Variants in DAB1 observed in about 807,000 individuals in gnomAD.
DAB1 encodes the protein disabled homolog 1.
A neutral mutation model predicts 64.6 loss-of-function variants in DAB1; 15 were observed. The ratio of observed to expected loss-of-function variants is 0.23; its 90% CI spans 0.16 to 0.36. The LOEUF (loss-of-function observed/expected upper bound fraction) is 0.36. Among genes scored for constraint, DAB1 ranks in the 10% least tolerant of loss-of-function variants. The pLI, the probability that DAB1 is intolerant of heterozygous loss-of-function variation, is 1.00. For synonymous variants in DAB1, 235 were observed against 251.9 expected (o/e 0.93, Z 0.64); for missense variants, 596 against 706.7 (o/e 0.84, Z 1.78).
chr1:58,472,585 A>G (rs1645371610), intron 3 of DAB1, among the ~76,000 whole-genome samples: 1 of 152,108 alleles, frequency 6.6e-6, no homozygotes, highest in Non-Finnish European at 1.5e-5. Context: ...TTCTTAAGTC[A>G]GTGGGGCTGT....
chr1:57,820,332 G>A (rs758464921), intron 6 of DAB1, among the ~76,000 whole-genome samples: 5 of 152,094 alleles, frequency 3.3e-5, no homozygotes, highest in Non-Finnish European at 7.3e-5. Flanking sequence ...GCCCAGCTCT[G>A]AATAATACAC....
intron 2 of DAB1, among the ~76,000 whole-genome samples, chr1:57,259,294 C>T (rs1669998455): frequency 6.6e-6 from 1 of 152,082 alleles, no homozygotes; most frequent in South Asian, 2.1e-4. Flanking sequence ...CAGTTGAGAC[C>T]AGGAAGACCA....
At chr1:57,545,289 G>C (rs544696187) in intron 7 of DAB1, among the ~76,000 whole-genome samples, 1 of 152,184 alleles carries the variant, frequency 6.6e-6, no homozygotes, top group Middle Eastern at 3.4e-3. Context: ...TATCCTCCTA[G>C]TCTGCCTTAT....
intron 3 of DAB1, among the ~76,000 whole-genome samples, chr1:58,399,361 C>T (rs983380115): frequency 2.6e-5 from 4 of 152,192 alleles, no homozygotes; most frequent in African/African-American, 7.2e-5. Flanking sequence ...CTCAAGGTTA[C>T]GACCAGTGAC....
chr1:58,136,202 T>C (rs941658908), intron 5 of DAB1, among the ~76,000 whole-genome samples: 2 of 152,084 alleles, frequency 1.3e-5, no homozygotes, highest in Non-Finnish European at 2.9e-5. Context: ...ACCGTAGAAA[T>C]TGAGGTAAAT....
At chr1:57,659,675 C>A (rs1646362188) in intron 6 of DAB1, among the ~76,000 whole-genome samples, 1 of 151,834 alleles carries the variant, frequency 6.6e-6, no homozygotes, top group African/African-American at 2.4e-5. Flanking sequence ...CTATAAAAAT[C>A]AAATGAAAAA....
chr1:57,595,124 G>A (rs562297291), intron 7 of DAB1, among the ~76,000 whole-genome samples: 41 of 151,892 alleles, frequency 2.7e-4, no homozygotes, highest in Non-Finnish European at 3.2e-4. Context: ...CTGAAAAACT[G>A]TATTTTGAAT....
At chr1:57,606,043 C>T (rs895534507) in intron 7 of DAB1, 4 of 610,374 alleles carry the variant, frequency 6.6e-6, no homozygotes, top group Middle Eastern at 9.3e-4. Flanking sequence ...GGTAGGTATT[C>T]AAACTGGTCC....
intron 1 of DAB1, 121 bp downstream of exon 1, chr1:57,423,809 A>T (rs1348919683): frequency 1.3e-5 from 2 of 152,170 alleles, no homozygotes; most frequent in African/African-American, 4.8e-5. Flanking sequence ...GGCGCGTCCC[A>T]GGAGCCCTCC....
intron 1 of DAB1, among the ~76,000 whole-genome samples, chr1:57,832,245 G>A (rs541879699): frequency 3.3e-5 from 5 of 152,316 alleles, no homozygotes; most frequent in African/African-American, 1.2e-4. Flanking sequence ...TAGATGAAGA[G>A]AGGGTGGGAA....
chr1:57,906,977 T>C (rs1286364240), intron 5 of DAB1, among the ~76,000 whole-genome samples: 4 of 149,660 alleles, frequency 2.7e-5, no homozygotes, highest in South Asian at 2.1e-4. Context: ...GATAGATAGA[T>C]AGATAGATAG....
At chr1:57,409,318 T>G (rs1683912087) in intron 1 of DAB1, among the ~76,000 whole-genome samples, 1 of 152,232 alleles carries the variant, frequency 6.6e-6, no homozygotes, top group Non-Finnish European at 1.5e-5. Flanking sequence ...CTTTCCTGTA[T>G]TAAGTTCTTC....
chr1:58,153,537 T>C lies in DAB1; in HGVS notation n.310-2949A>G, dbSNP rs146793825. Among the ~76,000 whole-genome samples the C allele has an allele frequency of 1.8e-3, 267 of 152,320 alleles. 2 individuals are homozygous for C. The highest frequency in any genetic ancestry group is 6.4e-3 in the African/African-American group (264 of 41,566). On this transcript the variant is annotated intron_variant and non_coding_transcript_variant, in intron 4 of 20. Coordinates refer to the DAB1 transcript ENST00000485760. Reference sequence around the variant, plus strand: ...GCTAATATAGACACTGTTTTATTATTGTCTTTCATATCTTATGAAATACAT... The same window carrying C: ...GCTAATATAGACACTGTTTTATTATCGTCTTTCATATCTTATGAAATACAT...
chr1:58,126,004 C>G lies in DAB1; in HGVS notation n.387+24507G>C, dbSNP rs547797703. Among the ~76,000 whole-genome samples the G allele has an allele frequency of 3.9e-5, 6 of 152,202 alleles. No individual in the cohort carries two copies. The South Asian group carries it at 1.2e-3, about 32-fold the overall frequency. ...CCACGGAGGAGCCAGGGGAAGGGAGCAGGCAGGGGAGCTCACTAAACACTG... is the reference window on the plus strand; with the variant it reads ...CCACGGAGGAGCCAGGGGAAGGGAGGAGGCAGGGGAGCTCACTAAACACTG... On this transcript the variant is annotated intron_variant and non_coding_transcript_variant, in intron 5 of 20. Transcript: ENST00000485760.
intron 4 of DAB1, among the ~76,000 whole-genome samples, chr1:57,130,674 A>T (rs536861500): frequency 7.0e-6 from 1 of 141,888 alleles, no homozygotes; most frequent in South Asian, 2.6e-4. Flanking sequence ...CAAATATCAC[A>T]TGATCTCACT....
intron 6 of DAB1, among the ~76,000 whole-genome samples, chr1:57,650,638 G>A (rs535410149): frequency 6.6e-6 from 1 of 152,250 alleles, no homozygotes; most frequent in South Asian, 2.1e-4. Flanking sequence ...TATGATTGTA[G>A]GTTATTTTTC....
chr1:57,912,196 T>C (rs1359971412), intron 5 of DAB1, among the ~76,000 whole-genome samples: 1 of 152,220 alleles, frequency 6.6e-6, no homozygotes, highest in African/African-American at 2.4e-5. Flanking sequence ...TTTCTGAATC[T>C]AAATTATTTG....
chr1:58,126,274 C>A (rs116515473), intron 5 of DAB1, among the ~76,000 whole-genome samples: 7,443 of 152,116 alleles, frequency 0.049, 211 homozygotes, highest in Admixed American at 0.077. Flanking sequence ...AACACACCAG[C>A]CCCTCAATAC....
chr1:57,090,607 G>A (rs1028530005), intron 4 of DAB1, among the ~76,000 whole-genome samples: 2 of 152,128 alleles, frequency 1.3e-5, no homozygotes, highest in African/African-American at 4.8e-5. Flanking sequence ...AACAAGTGAG[G>A]TTGCAGGCCC....
Sources: allele counts gnomAD v4.1 joint callset (sites outside exome capture counted in the v4.1 genomes callset), GRCh38; gene constraint gnomAD v4.1.1; transcripts MANE v1.5; gene names NCBI Gene and HGNC (gene_info 2026-07-23, HGNC 2026-07-21).